Variants in TARBP1 observed in about 807,000 individuals in gnomAD.
TARBP1 encodes the protein tRNA guanosine 2 -O-methyltransferase TARBP1, also known as tRNA (guanosine(18)-2'-O)-methyltransferase TARBP1.
TARBP1 carries 144 observed loss-of-function variants against 178.6 expected under a neutral mutation model. The observed-to-expected ratio is 0.81, with a 90% CI of 0.70 to 0.93. The LOEUF (loss-of-function observed/expected upper bound fraction) is 0.93, where lower values mean the gene tolerates loss of function less well. Ranked by LOEUF, TARBP1 falls within the 40% of genes least tolerant of loss-of-function variation. The pLI, the probability that TARBP1 is intolerant of heterozygous loss-of-function variation, is 0.00. For missense variants in TARBP1, 2,067 were observed against 2,011.7 expected, an observed-to-expected ratio of 1.03 and a Z score of -0.53; for synonymous variants, 787 against 781.0, an observed-to-expected ratio of 1.01 and a Z score of -0.13.
chr1:234,426,355 T>C (rs975015587), intron 19 of TARBP1, among the ~76,000 whole-genome samples: 7 of 152,232 alleles, frequency 4.6e-5, no homozygotes, highest in Non-Finnish European at 1.0e-4. Flanking sequence ...ATTGTTATAA[T>C]GTGAATAAAT....
chr1:234,417,128 C>T (rs572275987), intron 22 of TARBP1, among the ~76,000 whole-genome samples: 2 of 152,330 alleles, frequency 1.3e-5, no homozygotes, highest in Admixed American at 6.5e-5. Context: ...AAGAGAAAGG[C>T]TGTCTGCAGC....
At chr1:234,442,717 C>T (rs1177869591) in intron 12 of TARBP1, among the ~76,000 whole-genome samples, 2 of 152,080 alleles carry the variant, frequency 1.3e-5, no homozygotes, top group Non-Finnish European at 2.9e-5. Flanking sequence ...GATTTACTTT[C>T]CTCATATATA....
chr1:234,474,793 C>G (rs500513), intron 1 of TARBP1, among the ~76,000 whole-genome samples: 82,232 of 151,980 alleles, frequency 0.54, 22,930 homozygotes, highest in East Asian at 0.85. Flanking sequence ...TTCAGTTGCT[C>G]ATTAGGACAT....
chr1:234,457,761 G>A lies in TARBP1; in HGVS notation c.1633-5C>T. ...ATCAGAAAGTGACACTTTCTCCTGG[G>A]CAGGGCAGGAAAGGTTTTAAAAATT... On this transcript the variant is annotated splice_polypyrimidine_tract_variant and splice_region_variant and intron_variant, in intron 8 of 29. Coordinates refer to ENST00000040877, the MANE Select transcript of TARBP1 (RefSeq NM_005646.4). 6.2e-7 allele frequency: 1 copy of A among 1,602,510 alleles called. No homozygotes were observed. The highest frequency in any genetic ancestry group is 8.5e-7 in the Non-Finnish European group (1 of 1,173,536).
intron 22 of TARBP1, among the ~76,000 whole-genome samples, chr1:234,413,344 T>C (rs1322125676): frequency 6.6e-6 from 1 of 152,128 alleles, no homozygotes; most frequent in African/African-American, 2.4e-5. Context: ...TGTGGTGGCA[T>C]GCACCTGTAA....
intron 5 of TARBP1, 28 bp downstream of exon 5, chr1:234,465,628 A>T (rs757136833): frequency 3.8e-5 from 59 of 1,541,936 alleles, no homozygotes; most frequent in Non-Finnish European, 4.8e-5. Flanking sequence ...GTATGTATCA[A>T]ATACTTCATA....
In TARBP1 at chr1:234,448,592, C is replaced by G; in HGVS notation, c.1862-13G>C. 1.2e-6 allele frequency: 2 copies of G among 1,609,438 alleles called. No homozygotes were observed. The highest frequency in any genetic ancestry group is 1.7e-6 in the Non-Finnish European group (2 of 1,176,376). On this transcript the variant is annotated splice_polypyrimidine_tract_variant and intron_variant, in intron 10 of 29. Transcript: ENST00000040877. ...CAGTTTTCTCCTGCTTAAATAACAA[C>G]AGTTAAGGTTTGCAAAGCATTAACA...
intron 5 of TARBP1, among the ~76,000 whole-genome samples, chr1:234,465,182 G>A (rs761060321): frequency 1.3e-5 from 2 of 152,188 alleles, no homozygotes; most frequent in Non-Finnish European, 2.9e-5. Context: ...CGCACACAGG[G>A]AGAGGCAACG....
intron 22 of TARBP1, among the ~76,000 whole-genome samples, chr1:234,417,808 C>T (rs965054445): frequency 1.3e-5 from 2 of 152,202 alleles, no homozygotes; most frequent in East Asian, 1.9e-4. Flanking sequence ...AATAAGAATA[C>T]GGAATGCACC....
intron 10 of TARBP1, 81 bp from the exon 11 acceptor site, chr1:234,448,660 T>C: frequency 1.0e-6 from 1 of 977,088 alleles, no homozygotes; most frequent in South Asian, 1.4e-5. Flanking sequence ...CACTAAATGA[T>C]TATGCCTTAT....
At chr1:234,423,085 G>A (rs940531971) in intron 20 of TARBP1, among the ~76,000 whole-genome samples, 1 of 152,206 alleles carries the variant, frequency 6.6e-6, no homozygotes, top group Non-Finnish European at 1.5e-5. Flanking sequence ...GGATGCTGAC[G>A]CTGCTGATCC....
At chr1:234,462,634 A>C (rs1667979839) in intron 6 of TARBP1, among the ~76,000 whole-genome samples, 1 of 140,814 alleles carries the variant, frequency 7.1e-6, no homozygotes, top group Admixed American at 7.7e-5. Context: ...GGTTGCAGTG[A>C]GCTGAGATCG....
At chr1:234,448,615 A>G in intron 10 of TARBP1, 36 bp from the exon 11 acceptor site, 2 of 1,546,652 alleles carry the variant, frequency 1.3e-6, no homozygotes, top group Non-Finnish European at 1.8e-6. Flanking sequence ...CAAAGCATTA[A>G]CAAAATCCTT....
chr1:234,453,986 G>C (rs576363182), intron 9 of TARBP1, among the ~76,000 whole-genome samples: 1 of 152,276 alleles, frequency 6.6e-6, no homozygotes, highest in African/African-American at 2.4e-5. Flanking sequence ...ATGCATTACA[G>C]AACCGAAAAA....
chr1:234,393,915 T>C, intron 26 of TARBP1, 78 bp from the exon 27 acceptor site: 1 of 1,040,958 alleles, frequency 9.6e-7, no homozygotes, highest in South Asian at 2.3e-5. Flanking sequence ...TGTATATGTA[T>C]TTTTAAGAAT....
Position 234,465,666 on chromosome 1 carries a change from G to A in TARBP1, c.1291C>T (p.Leu431=), listed in dbSNP as rs562861599. The part of the protein sequence containing the change: ...PLMDALSESS[L]YSRSPGQPIG... ...ATAATGTCTCTTTACCTGCTATACA[G>A]AGAGCTCTCTGAAAGCGCATCCATT... Residue 431 remains leucine (L), a synonymous_variant, in exon 5 of 30, where the codon CTG becomes TTG. Coordinates refer to ENST00000040877, the MANE Select transcript of TARBP1 (RefSeq NM_005646.4). 6.3e-5 allele frequency: 99 copies of A among 1,560,298 alleles called. No individual in the cohort carries two copies. The South Asian group carries it at 1.2e-3, about 18-fold the overall frequency.
At chr1:234,471,364 A>G in intron 2 of TARBP1, 107 bp from the exon 3 acceptor site, 2 of 725,882 alleles carry the variant, frequency 2.8e-6, no homozygotes, top group South Asian at 1.8e-5. Flanking sequence ...TCTACAAAAC[A>G]TATGTAGAAA....
At chr1:234,427,886 T>G in intron 17 of TARBP1, 120 bp from the exon 18 acceptor site, 1 of 552,952 alleles carries the variant, frequency 1.8e-6, no homozygotes, top group Non-Finnish European at 2.8e-6. Flanking sequence ...TTAAATTCAT[T>G]ACTGTTAGAA....
At chr1:234,433,719 T>C in intron 13 of TARBP1, 148 bp from the exon 14 acceptor site, 1 of 722,908 alleles carries the variant, frequency 1.4e-6, no homozygotes, top group Non-Finnish European at 2.2e-6. Flanking sequence ...CAGCCTTCCA[T>C]AACCTCCCAC....
Sources: gnomAD v4.1 joint callset for allele counts (sites outside exome capture counted in the v4.1 genomes callset) on GRCh38, gnomAD v4.1.1 for gene constraint, MANE v1.5 for transcripts, NCBI Gene and HGNC (gene_info 2026-07-23, HGNC 2026-07-21) for gene names.